Variants in PACRG observed in about 807,000 individuals in gnomAD.
PACRG encodes parkin coregulated gene protein.
PACRG carries 29 observed loss-of-function variants against 29.7 expected under a neutral mutation model. The observed-to-expected ratio is 0.98, with a 90% CI of 0.73 to 1.33. The LOEUF (loss-of-function observed/expected upper bound fraction) is 1.33. Among genes scored for constraint, PACRG ranks in the 40% most tolerant of loss-of-function variants. The pLI, the probability that PACRG is intolerant of heterozygous loss-of-function variation, is 0.00. For synonymous variants in PACRG, 116 were observed against 118.7 expected (o/e 0.98, Z 0.15); for missense variants, 279 against 316.2 (o/e 0.88, Z 0.89).
At chr6:163,189,841 G>A (rs1361758351) in intron 4 of PACRG, 1 of 152,202 alleles carries the variant, frequency 6.6e-6, no homozygotes, top group Non-Finnish European at 1.5e-5. Context: ...CCGGGCTTAT[G>A]TGAATGCTGA....
At chr6:163,306,518 G>C (rs543063173) in intron 4 of PACRG, among the ~76,000 whole-genome samples, 1 of 152,202 alleles carries the variant, frequency 6.6e-6, no homozygotes, top group Non-Finnish European at 1.5e-5. Flanking sequence ...TTGTCAATTG[G>C]TATGTAAAAA....
intron 4 of PACRG, among the ~76,000 whole-genome samples, chr6:163,205,510 G>A (rs1212420175): frequency 2.0e-5 from 3 of 152,156 alleles, no homozygotes; most frequent in Admixed American, 6.5e-5. Context: ...CTAGCCATAC[G>A]CAGAAGATTC....
intron 1 of PACRG, among the ~76,000 whole-genome samples, chr6:162,797,074 C>T (rs868359965): frequency 5.9e-5 from 9 of 152,126 alleles, no homozygotes; most frequent in African/African-American, 1.2e-4. Flanking sequence ...GTCAGGAGTT[C>T]GAGACCAGAC....
chr6:163,299,075 C>T (rs1198853371), intron 4 of PACRG, among the ~76,000 whole-genome samples: 1 of 152,158 alleles, frequency 6.6e-6, no homozygotes. Context: ...AGAATGTGAG[C>T]CCCCTAGTCT....
At position 162,955,034 on chromosome 6, in the gene PACRG, A is replaced by G. The variant is rs997314776; in HGVS notation, c.292-107116A>G. 8.5e-5 allele frequency among the ~76,000 whole-genome samples: 13 copies of G among 152,340 alleles called. No homozygotes were observed. The East Asian group carries it at 2.3e-3, about 27-fold the overall frequency. On this transcript the variant is annotated intron_variant, in intron 2 of 4. Transcript: ENST00000366888. ...GACGTATATCAGATATTATGTAGAC[A>G]TAACCATTACTCCCTGTTTCATGTT...
intron 2 of PACRG, among the ~76,000 whole-genome samples, chr6:162,823,348 A>G (rs1584462614): frequency 6.6e-6 from 1 of 151,940 alleles, no homozygotes; most frequent in Non-Finnish European, 1.5e-5. Context: ...TTCTTTTGTA[A>G]TATTACTTAT....
At chr6:163,093,070 C>T (rs1174502444) in intron 4 of PACRG, among the ~76,000 whole-genome samples, 1 of 152,218 alleles carries the variant, frequency 6.6e-6, no homozygotes, top group Non-Finnish European at 1.5e-5. Flanking sequence ...GTGAAAGACT[C>T]AGATTCATTC....
At chr6:163,078,192 G>A (rs780322080) in intron 3 of PACRG, among the ~76,000 whole-genome samples, 4 of 152,092 alleles carry the variant, frequency 2.6e-5, no homozygotes, top group Non-Finnish European at 5.9e-5. Flanking sequence ...AGACTCAGGA[G>A]CCTAACTTAT....
At chr6:163,022,318 T>G (rs1806710291) in intron 2 of PACRG, among the ~76,000 whole-genome samples, 1 of 152,210 alleles carries the variant, frequency 6.6e-6, no homozygotes, top group African/African-American at 2.4e-5. Flanking sequence ...ATGTAATAAT[T>G]GCCGTGTAGG....
chr6:162,998,484 C>G (rs778202817), intron 2 of PACRG, among the ~76,000 whole-genome samples: 2 of 152,186 alleles, frequency 1.3e-5, no homozygotes, highest in African/African-American at 2.4e-5. Flanking sequence ...GCATCTTTAA[C>G]AAAAATTTTA....
chr6:162,727,260 C>A (rs749979754), upstream of PACRG: 1 of 211,852 alleles, frequency 4.7e-6, no homozygotes, highest in Non-Finnish European at 9.0e-6. Flanking sequence ...TCCTGAACCG[C>A]ACCACAACCG....
intron 1 of PACRG, among the ~76,000 whole-genome samples, chr6:162,799,925 G>T (rs1038606652): frequency 6.6e-6 from 1 of 152,126 alleles, no homozygotes; most frequent in African/African-American, 2.4e-5. Context: ...CAACATTAAA[G>T]GTATTAGGAG....
At chr6:162,915,826 C>T (rs1375354348) in intron 2 of PACRG, among the ~76,000 whole-genome samples, 2 of 152,008 alleles carry the variant, frequency 1.3e-5, no homozygotes, top group African/African-American at 4.8e-5. Context: ...TCTTTGCCAC[C>T]TCCTACCTTT....
At chr6:163,057,297 G>A (rs1403099922) in intron 2 of PACRG, among the ~76,000 whole-genome samples, 5 of 152,098 alleles carry the variant, frequency 3.3e-5, no homozygotes, top group African/African-American at 7.2e-5. Context: ...TAGTTTCCCC[G>A]TTTCTGCCAA....
intron 4 of PACRG, among the ~76,000 whole-genome samples, chr6:163,254,919 T>G (rs1245479451): frequency 6.6e-6 from 1 of 152,248 alleles, no homozygotes; most frequent in East Asian, 1.9e-4. Context: ...GCCTCCTCAG[T>G]ATCTTAACAC....
At chr6:162,844,562 C>T (rs917804633) in intron 2 of PACRG, among the ~76,000 whole-genome samples, 15 of 152,362 alleles carry the variant, frequency 9.8e-5, no homozygotes, top group African/African-American at 2.9e-4. Flanking sequence ...TCTTCTGCGT[C>T]GCTCACGCTG....
intron 2 of PACRG, 82 bp downstream of exon 2, chr6:162,814,363 G>A: frequency 6.6e-7 from 1 of 1,526,494 alleles, no homozygotes; most frequent in Non-Finnish European, 8.9e-7. Flanking sequence ...GGCTGCTTAA[G>A]TAAATAAACT....
intron 2 of PACRG, among the ~76,000 whole-genome samples, chr6:162,975,600 T>G (rs1801883700): frequency 6.6e-6 from 1 of 152,204 alleles, no homozygotes; most frequent in South Asian, 2.1e-4. Flanking sequence ...TGAAGATAAG[T>G]TTGCTGACAT....
At chr6:163,115,915 A>G (rs537359588) in intron 4 of PACRG, among the ~76,000 whole-genome samples, 2 of 152,330 alleles carry the variant, frequency 1.3e-5, no homozygotes, top group Non-Finnish European at 2.9e-5. Flanking sequence ...GAGCCACTTC[A>G]GCTGCTGCAT....
Sources: allele counts gnomAD v4.1 joint callset (sites outside exome capture counted in the v4.1 genomes callset), GRCh38; gene constraint gnomAD v4.1.1; transcripts MANE v1.5; gene names NCBI Gene and HGNC (gene_info 2026-07-23, HGNC 2026-07-21).